The following GPC6 variants were observed in gnomAD, a reference collection of about 807,000 sequenced individuals.
GPC6 encodes the protein glypican 6.
GPC6 carries 14 observed loss-of-function variants against 55.2 expected under a neutral mutation model. The observed-to-expected ratio is 0.25, with a 90% CI of 0.17 to 0.40. GPC6 has a LOEUF of 0.40. Ranked by LOEUF, GPC6 falls within the 10% of genes least tolerant of loss-of-function variation. The pLI, the probability that GPC6 is intolerant of heterozygous loss-of-function variation, is 1.00. For missense variants in GPC6, 641 were observed against 708.5 expected, an observed-to-expected ratio of 0.90 and a Z score of 1.08; for synonymous variants, 278 against 259.6, an observed-to-expected ratio of 1.07 and a Z score of -0.68.
At chr13:93,276,223 C>T (rs1877731591) in intron 1 of GPC6, among the ~76,000 whole-genome samples, 1 of 151,946 alleles carries the variant, frequency 6.6e-6, no homozygotes, top group Non-Finnish European at 1.5e-5. Flanking sequence ...ACCATTTACC[C>T]TTAGTCAAGC....
chr13:93,949,430 G>A lies in GPC6; in HGVS notation c.712-78299G>A, dbSNP rs570408589. 2.1e-3 allele frequency among the ~76,000 whole-genome samples: 322 copies of A among 152,284 alleles called. 1 individual carries two copies. Among genetic ancestry groups the A allele is most frequent in the African/African-American group, 7.4e-3 (309 of 41,560 alleles). On this transcript the variant is annotated intron_variant, in intron 3 of 8. Transcript: ENST00000377047. ...TGATAGTCCAATAAGAAATAACCAA[G>A]TGAATACAGCTTTAATATTCAAGTG... is the stretch of plus-strand genomic sequence containing the variant.
At chr13:94,062,751 G>A in intron 4 of GPC6, among the ~76,000 whole-genome samples, 1 of 152,118 alleles carries the variant, frequency 6.6e-6, no homozygotes, top group Non-Finnish European at 1.5e-5. Context: ...CTAAAATTGA[G>A]GAAGTTTGCA....
At chr13:93,895,574 A>G (rs376149787) in intron 3 of GPC6, among the ~76,000 whole-genome samples, 1 of 151,884 alleles carries the variant, frequency 6.6e-6, no homozygotes, top group South Asian at 2.1e-4. Context: ...TCTCACCATC[A>G]TCTATTTTAA....
Position 93,612,553 on chromosome 13 carries a change from T to G in GPC6, c.319+67132T>G, listed in dbSNP as rs183042219. On this transcript the variant is annotated intron_variant, in intron 2 of 8. Transcript: ENST00000377047. ...CACACACACACACACAAACTTCATG[T>G]GGCATTTGTGCAGTTTTGGTTAGAA... Among the ~76,000 whole-genome samples the G allele has an allele frequency of 5.2e-4, 64 of 122,398 alleles. 1 individual carries two copies. Among genetic ancestry groups the G allele is most frequent in the Middle Eastern group, 8.5e-3 (2 of 236 alleles). The allele number at this position is 122,398 out of a possible 152,430, so 80.3% of individuals were successfully genotyped here.
At chr13:94,158,400 T>G (rs1323782530) in intron 4 of GPC6, among the ~76,000 whole-genome samples, 1 of 148,110 alleles carries the variant, frequency 6.8e-6, no homozygotes, top group Non-Finnish European at 1.5e-5. Flanking sequence ...AAAAGACTAA[T>G]CTGAGAAGAA....
chr13:93,611,724 G>A (rs1388750072), intron 2 of GPC6, among the ~76,000 whole-genome samples: 9 of 152,138 alleles, frequency 5.9e-5, no homozygotes, highest in Admixed American at 1.3e-4. Context: ...CTCCTTTAGC[G>A]GATATTTTCA....
chr13:93,303,786 T>C (rs1878762235), intron 1 of GPC6, among the ~76,000 whole-genome samples: 1 of 151,940 alleles, frequency 6.6e-6, no homozygotes, highest in African/African-American at 2.4e-5. Flanking sequence ...AACATTTGAG[T>C]AGGCAGCAAG....
chr13:93,752,994 G>A (rs1332022881), intron 2 of GPC6, among the ~76,000 whole-genome samples: 1 of 152,140 alleles, frequency 6.6e-6, no homozygotes, highest in Admixed American at 6.5e-5. Flanking sequence ...GAATTTAGAA[G>A]AATAAACACT....
chr13:94,243,733 C>A (rs370792224), intron 4 of GPC6, among the ~76,000 whole-genome samples: 12 of 152,120 alleles, frequency 7.9e-5, no homozygotes, highest in Non-Finnish European at 1.0e-4. Flanking sequence ...GACCTCATTG[C>A]TTTTTATGTC....
At chr13:93,242,611 G>C (rs1416163069) in intron 1 of GPC6, among the ~76,000 whole-genome samples, 1 of 152,126 alleles carries the variant, frequency 6.6e-6, no homozygotes, top group Non-Finnish European at 1.5e-5. Context: ...TGAGTACTGG[G>C]GCTGCTCGAC....
intron 1 of GPC6, among the ~76,000 whole-genome samples, chr13:93,306,900 T>C (rs1229059603): frequency 6.6e-6 from 1 of 152,164 alleles, no homozygotes; most frequent in African/African-American, 2.4e-5. Context: ...CCTAGCAAAC[T>C]CTCGGTTCCA....
At chr13:93,692,848 A>G (rs1882306359) in intron 2 of GPC6, among the ~76,000 whole-genome samples, 1 of 152,060 alleles carries the variant, frequency 6.6e-6, no homozygotes. Context: ...CTTAATTTTA[A>G]TTCTTTCATG....
At chr13:93,693,348 A>G (rs1882325190) in intron 2 of GPC6, among the ~76,000 whole-genome samples, 1 of 152,176 alleles carries the variant, frequency 6.6e-6, no homozygotes, top group Admixed American at 6.6e-5. Context: ...ATCAAACTCT[A>G]TGAGAAGCTA....
intron 4 of GPC6, among the ~76,000 whole-genome samples, chr13:94,207,507 AC>A (rs2138984071): frequency 6.6e-6 from 1 of 152,330 alleles, no homozygotes; most frequent in South Asian, 2.1e-4. Flanking sequence ...ACTCCAAGAT[AC>A]AGTCACTTCT....
At chr13:93,273,255 A>C (rs973129958) in intron 1 of GPC6, among the ~76,000 whole-genome samples, 37 of 152,254 alleles carry the variant, frequency 2.4e-4, no homozygotes, top group African/African-American at 7.7e-4. Flanking sequence ...TTGCACTTTA[A>C]GAGAGATATT....
intron 2 of GPC6, among the ~76,000 whole-genome samples, chr13:93,766,139 C>T (rs940347055): frequency 2.0e-5 from 3 of 152,156 alleles, no homozygotes; most frequent in African/African-American, 7.2e-5. Context: ...GTACAGATTT[C>T]TGTTCCTATT....
intron 4 of GPC6, among the ~76,000 whole-genome samples, chr13:94,272,463 CTTTTTTT>C (rs555664508): frequency 3.1e-4 from 27 of 85,740 alleles, no homozygotes; most frequent in South Asian, 4.2e-4. Flanking sequence ...CTTTTCTTTT[CTTTTTTT>C]TTTTTTTTTT....
At chr13:93,657,714 CT>C (rs1289748864) in intron 2 of GPC6, among the ~76,000 whole-genome samples, 5 of 151,994 alleles carry the variant, frequency 3.3e-5, no homozygotes, top group Middle Eastern at 3.4e-3. Flanking sequence ...AAACAAAGGT[CT>C]AATATCCAGA....
chr13:93,613,911 TC>T (rs1395427707), intron 2 of GPC6, among the ~76,000 whole-genome samples: 10 of 152,184 alleles, frequency 6.6e-5, no homozygotes. Flanking sequence ...ATGTTTCTTT[TC>T]ATGGTGGCCC....
Sources: gnomAD v4.1 joint callset for allele counts (sites outside exome capture counted in the v4.1 genomes callset) on GRCh38, gnomAD v4.1.1 for gene constraint, MANE v1.5 for transcripts, NCBI Gene and HGNC (gene_info 2026-07-23, HGNC 2026-07-21) for gene names.